PALM2AKAP2: variants seen among roughly 807,000 people sequenced by gnomAD.
PALM2AKAP2 encodes the protein PALM2-AKAP2 fusion protein.
PALM2AKAP2 carries 37 observed loss-of-function variants against 71.5 expected under a neutral mutation model. The observed-to-expected ratio is 0.52, with a 90% CI of 0.40 to 0.68. PALM2AKAP2 has a LOEUF of 0.68. Ranked by LOEUF, PALM2AKAP2 falls within the 30% of genes least tolerant of loss-of-function variation. The probability of loss-of-function intolerance (pLI) is 0.00; values close to 1 mark genes in which losing one functional copy is unlikely to be tolerated. For synonymous variants in PALM2AKAP2, 468 were observed against 478.8 expected (o/e 0.98, Z 0.29); for missense variants, 1,224 against 1,191.8 (o/e 1.03, Z -0.40).
intron 7 of PALM2AKAP2, among the ~76,000 whole-genome samples, chr9:110,041,297 GTTT>G (rs58045729): frequency 2.7e-5 from 4 of 150,144 alleles, no homozygotes; most frequent in South Asian, 2.1e-4. Flanking sequence ...TTTGAATAGT[GTTT>G]TTTTTTTTTA....
chr9:109,691,823 C>A (rs10759359), intron 1 of PALM2AKAP2, among the ~76,000 whole-genome samples: 17,729 of 99,460 alleles, frequency 0.18, 1,659 homozygotes, highest in East Asian at 0.29. Flanking sequence ...ATTTTCCAAT[C>A]CAGAAAGACG....
In PALM2AKAP2 at chr9:109,982,187, T is replaced by C. The variant is rs141256725; in HGVS notation, c.497-33767T>C. Among the ~76,000 whole-genome samples, 286 of 152,346 alleles carry C rather than the reference T, an allele frequency of 1.9e-3. 1 individual carries two copies. Among genetic ancestry groups the C allele is most frequent in the African/African-American group, 6.5e-3 (270 of 41,576 alleles). On this transcript the variant is annotated intron_variant, in intron 6 of 9. Transcript: ENST00000302798. ...CTGGAGGTCATTGTGTTAAGTGAAATAAGCTAGTCATAGAAAGACAAACTT... is the reference window on the plus strand; with the variant it reads ...CTGGAGGTCATTGTGTTAAGTGAAACAAGCTAGTCATAGAAAGACAAACTT...
chr9:109,713,504 C>T (rs919743139), intron 1 of PALM2AKAP2, among the ~76,000 whole-genome samples: 1 of 152,012 alleles, frequency 6.6e-6, no homozygotes, highest in African/African-American at 2.4e-5. Flanking sequence ...TCTATATATG[C>T]TAGTGATATA....
chr9:110,078,206 C>G (rs1834366784), intron 1 of PALM2AKAP2, among the ~76,000 whole-genome samples: 1 of 152,160 alleles, frequency 6.6e-6, no homozygotes, highest in Non-Finnish European at 1.5e-5. Context: ...GGCACATGGG[C>G]TGTCTTTATC....
At chr9:109,670,317 T>C (rs1173637659) in intron 1 of PALM2AKAP2, among the ~76,000 whole-genome samples, 3 of 152,164 alleles carry the variant, frequency 2.0e-5, no homozygotes, top group Admixed American at 6.5e-5. Context: ...CCCCTCTATG[T>C]GTCCATGTGT....
intron 1 of PALM2AKAP2, among the ~76,000 whole-genome samples, chr9:109,758,563 G>C (rs1829002457): frequency 6.6e-6 from 1 of 150,974 alleles, no homozygotes. Context: ...TCAATGTAAA[G>C]ACAAATATTT....
At chr9:109,957,949 G>A (rs1268667349) in intron 6 of PALM2AKAP2, among the ~76,000 whole-genome samples, 1 of 152,188 alleles carries the variant, frequency 6.6e-6, no homozygotes, top group East Asian at 1.9e-4. Flanking sequence ...ACGGGCTTTG[G>A]ATTCAGGAAC....
At chr9:109,894,286 C>T (rs182233173) in intron 3 of PALM2AKAP2, among the ~76,000 whole-genome samples, 1 of 152,296 alleles carries the variant, frequency 6.6e-6, no homozygotes, top group East Asian at 1.9e-4. Flanking sequence ...TTGCAGTCAG[C>T]CAAGATCGCA....
At chr9:109,721,066 C>T (rs1828398169) in intron 1 of PALM2AKAP2, among the ~76,000 whole-genome samples, 1 of 152,184 alleles carries the variant, frequency 6.6e-6, no homozygotes, top group Non-Finnish European at 1.5e-5. Flanking sequence ...GATTGCTTGT[C>T]ATCACACCAA....
At chr9:110,098,161 AGAGGGGAGAGG>A in intron 1 of PALM2AKAP2, among the ~76,000 whole-genome samples, 1 of 149,386 alleles carries the variant, frequency 6.7e-6, no homozygotes, top group African/African-American at 2.5e-5. Flanking sequence ...GAAAGAGGGG[AGAGGGGAGAGG>A]GGAGAGGGAA....
chr9:110,090,416 G>A (rs1387919390), intron 1 of PALM2AKAP2: 15 of 456,548 alleles, frequency 3.3e-5, no homozygotes, highest in Admixed American at 1.6e-4. Flanking sequence ...CTCTCTTCAC[G>A]GTAGGTCTCA....
At chr9:109,863,233 G>A (rs555051522) in intron 1 of PALM2AKAP2, among the ~76,000 whole-genome samples, 1 of 152,328 alleles carries the variant, frequency 6.6e-6, no homozygotes, top group Non-Finnish European at 1.5e-5. Context: ...CCATGTCCAG[G>A]TAGGAGATGA....
intron 1 of PALM2AKAP2, among the ~76,000 whole-genome samples, chr9:110,074,408 G>A (rs1359343617): frequency 6.6e-6 from 1 of 152,116 alleles, no homozygotes; most frequent in Non-Finnish European, 1.5e-5. Flanking sequence ...ATGAGACATG[G>A]GAGCCTAGAT....
At chr9:110,081,730 T>C (rs1834453716) in intron 1 of PALM2AKAP2, among the ~76,000 whole-genome samples, 1 of 152,066 alleles carries the variant, frequency 6.6e-6, no homozygotes, top group Admixed American at 6.6e-5. Flanking sequence ...TTCTTTTAAC[T>C]GGAATCTCAC....
At chr9:109,868,056 A>G (rs937741553) in intron 2 of PALM2AKAP2, among the ~76,000 whole-genome samples, 1 of 152,176 alleles carries the variant, frequency 6.6e-6, no homozygotes, top group Non-Finnish European at 1.5e-5. Context: ...AACACTGTGT[A>G]TTTCAGATTA....
exon 4 of PALM2AKAP2, chr9:110,171,039 G>GACTATATAGAC (rs1836847647): frequency 6.6e-6 from 1 of 152,220 alleles, no homozygotes; most frequent in African/African-American, 2.4e-5. Context: ...CCATAGACAT[G>GACTATATAGAC]ATATAGACTA....
rs756224749 is a variant in PALM2AKAP2 at position 109,867,471 on chromosome 9, T to A, written c.46-20T>A. 3.1e-6 allele frequency: 5 copies of A among 1,609,554 alleles called. No homozygotes were observed. The South Asian group carries it at 4.4e-5, about 14-fold the overall frequency. On this transcript the variant is annotated intron_variant, in intron 1 of 9. Coordinates refer to the PALM2AKAP2 transcript ENST00000302798. ...CCAACACCCACCCACTCTTACAGCC[T>A]CTGTCTCTTTATTTTCAAGGAAAAA...
intron 1 of PALM2AKAP2, among the ~76,000 whole-genome samples, chr9:109,694,342 T>C (rs1827937841): frequency 6.6e-6 from 1 of 152,058 alleles, no homozygotes. Flanking sequence ...TCACACACAA[T>C]TACTTCTTAA....
upstream of PALM2AKAP2, chr9:109,780,265 G>A: frequency 8.5e-7 from 1 of 1,180,272 alleles, no homozygotes; most frequent in African/African-American, 1.6e-5. Flanking sequence ...CGGCGGCGCT[G>A]GGGCGCAGCC....
Sources: allele counts gnomAD v4.1 joint callset (sites outside exome capture counted in the v4.1 genomes callset), GRCh38; gene constraint gnomAD v4.1.1; transcripts MANE v1.5; gene names NCBI Gene and HGNC (gene_info 2026-07-23, HGNC 2026-07-21).